GRIK1: variants seen among roughly 807,000 people sequenced by gnomAD.
GRIK1 encodes glutamate receptor ionotropic, kainate 1.
In GRIK1, 69 loss-of-function variants were observed where a neutral mutation model predicts 105.7. That is an observed-to-expected ratio of 0.65 (90% confidence interval 0.54 to 0.80). GRIK1 has a LOEUF of 0.80. Ranked by LOEUF, GRIK1 falls within the 30% of genes least tolerant of loss-of-function variation. The probability of loss-of-function intolerance (pLI) is 0.00; values close to 1 mark genes in which losing one functional copy is unlikely to be tolerated. For synonymous variants in GRIK1, 438 were observed against 431.3 expected, an observed-to-expected ratio of 1.02 and a Z score of -0.19; for missense variants, 1,109 against 1,167.3, an observed-to-expected ratio of 0.95 and a Z score of 0.73.
intron 1 of GRIK1, among the ~76,000 whole-genome samples, chr21:29,762,326 T>C (rs550648306): frequency 6.6e-6 from 1 of 152,310 alleles, no homozygotes; most frequent in Admixed American, 6.5e-5. Context: ...AACTTAAAAA[T>C]AAGACATGCT....
At chr21:29,809,561 A>C (rs1206380521) in intron 1 of GRIK1, among the ~76,000 whole-genome samples, 1 of 152,192 alleles carries the variant, frequency 6.6e-6, no homozygotes, top group African/African-American at 2.4e-5. Flanking sequence ...GCTTCTATCC[A>C]GACCACTAAA....
intron 16 of GRIK1, chr21:29,553,455 G>C: frequency 7.0e-7 from 1 of 1,430,464 alleles, no homozygotes; most frequent in Non-Finnish European, 9.1e-7. Context: ...AAGGAATAGA[G>C]AATTGTGGCT....
At chr21:29,753,401 T>A in intron 1 of GRIK1, among the ~76,000 whole-genome samples, 1 of 152,236 alleles carries the variant, frequency 6.6e-6, no homozygotes. Flanking sequence ...AGAAAACAAC[T>A]CTCCACACGC....
In GRIK1 at chr21:29,695,436, ATATCTATC is replaced by A. The variant is rs36155253; in HGVS notation, c.119-1381_119-1374del. Among the ~76,000 whole-genome samples the A allele has an allele frequency of 7.6e-3, 1,113 of 146,732 alleles. 14 individuals are homozygous for A. The highest frequency in any genetic ancestry group is 0.024 in the African/African-American group (946 of 40,140). On this transcript the variant is annotated intron_variant, in intron 1 of 17. Transcript: ENST00000327783. ...GGCTGACATATCTATATCTATATCA[ATATCTATC>A]TATCTATCTATCTATCTATCTATCT...
chr21:29,894,548 G>A (rs2070037274), intron 1 of GRIK1, among the ~76,000 whole-genome samples: 1 of 152,072 alleles, frequency 6.6e-6, no homozygotes, highest in Non-Finnish European at 1.5e-5. Context: ...ACCGAGGATA[G>A]GTCTGCCTTT....
At chr21:29,916,179 A>G (rs930123888) in intron 1 of GRIK1, among the ~76,000 whole-genome samples, 1 of 151,984 alleles carries the variant, frequency 6.6e-6, no homozygotes, top group African/African-American at 2.4e-5. Flanking sequence ...TTGAAACTGA[A>G]ATTTACACAG....
At chr21:29,872,303 C>A (rs368683437) in intron 1 of GRIK1, among the ~76,000 whole-genome samples, 1 of 151,534 alleles carries the variant, frequency 6.6e-6, no homozygotes. Context: ...ACGCCATTCT[C>A]CTGCCTCAGC....
intron 1 of GRIK1, among the ~76,000 whole-genome samples, chr21:29,736,316 A>T (rs992151790): frequency 1.3e-5 from 2 of 151,832 alleles, no homozygotes; most frequent in African/African-American, 4.8e-5. Context: ...ACTCAACTGG[A>T]CTCAACTGGA....
intron 1 of GRIK1, among the ~76,000 whole-genome samples, chr21:29,895,062 G>A (rs1055418028): frequency 1.2e-4 from 19 of 152,150 alleles, no homozygotes; most frequent in African/African-American, 4.3e-4. Context: ...TCTAATAGTG[G>A]TGGTGGCAGG....
intron 6 of GRIK1, among the ~76,000 whole-genome samples, chr21:29,650,014 A>G (rs2062699238): frequency 6.6e-6 from 1 of 152,208 alleles, no homozygotes; most frequent in African/African-American, 2.4e-5. Flanking sequence ...TTCCCTGGAT[A>G]TTCTCTACTT....
At chr21:29,764,953 C>T (rs1011517295) in intron 1 of GRIK1, among the ~76,000 whole-genome samples, 26 of 152,156 alleles carry the variant, frequency 1.7e-4, no homozygotes, top group Admixed American at 1.7e-3. Flanking sequence ...TTATAAAATG[C>T]ATTCCAAGCC....
intron 1 of GRIK1, among the ~76,000 whole-genome samples, chr21:29,815,575 C>T (rs2067133352): frequency 6.6e-6 from 1 of 152,006 alleles, no homozygotes; most frequent in African/African-American, 2.4e-5. Flanking sequence ...TTCCCACTGA[C>T]TAAAGAAAGA....
intron 4 of GRIK1, among the ~76,000 whole-genome samples, chr21:29,656,981 T>C (rs1022206560): frequency 2.0e-5 from 3 of 152,230 alleles, no homozygotes; most frequent in African/African-American, 4.8e-5. Context: ...ATGTTTTTTT[T>C]CAAGGGTAGA....
intron 1 of GRIK1, among the ~76,000 whole-genome samples, chr21:29,726,222 T>C (rs541456859): frequency 7.7e-4 from 117 of 152,208 alleles, no homozygotes; most frequent in African/African-American, 2.7e-3. Flanking sequence ...TTTAGGAAAA[T>C]GAGGATAGTT....
At chr21:29,569,719 A>T (rs1416759825) in intron 14 of GRIK1, among the ~76,000 whole-genome samples, 2 of 152,182 alleles carry the variant, frequency 1.3e-5, no homozygotes, top group Admixed American at 6.5e-5. Flanking sequence ...TGGGGAAAAA[A>T]AATGTGACTT....
At chr21:29,881,198 C>A (rs2069393607) in intron 1 of GRIK1, among the ~76,000 whole-genome samples, 1 of 152,120 alleles carries the variant, frequency 6.6e-6, no homozygotes, top group Non-Finnish European at 1.5e-5. Flanking sequence ...CACTTTCCCT[C>A]TTAGTATAGC....
intron 1 of GRIK1, among the ~76,000 whole-genome samples, chr21:29,695,813 C>T (rs2063691228): frequency 6.6e-6 from 1 of 152,072 alleles, no homozygotes; most frequent in South Asian, 2.1e-4. Flanking sequence ...TTGAGTGATC[C>T]CTTACCAAAA....
At chr21:29,656,344 G>C (rs1190931089) in intron 4 of GRIK1, among the ~76,000 whole-genome samples, 1 of 85,710 alleles carries the variant, frequency 1.2e-5, no homozygotes, top group Non-Finnish European at 2.0e-5. Context: ...CTGGGGGCCA[G>C]AGCGAGACTC....
At position 29,537,146 on chromosome 21, in the gene GRIK1, A is replaced by C; in HGVS notation, c.*84T>G. 1 of 874,236 alleles carries C rather than the reference A, an allele frequency of 1.1e-6. No homozygotes were observed. The highest frequency in any genetic ancestry group is 1.7e-6 in the Non-Finnish European group (1 of 579,588). 54.2% of individuals were successfully genotyped at this position (874,236 alleles called of 1,614,324 possible). On this transcript the variant is annotated 3_prime_UTR_variant, in exon 18 of 18. Transcript: ENST00000327783. ...GAGTTATGGATATAGATATATGGAA[A>C]CACATCACACACTCCTCAGAAATCC...
Sources: gnomAD v4.1 joint callset for allele counts (sites outside exome capture counted in the v4.1 genomes callset) on GRCh38, gnomAD v4.1.1 for gene constraint, MANE v1.5 for transcripts, NCBI Gene and HGNC (gene_info 2026-07-23, HGNC 2026-07-21) for gene names.